PARM1: variants seen among roughly 807,000 people sequenced by gnomAD.
PARM1 encodes WSC4, cell wall integrity and stress response component 4 homolog.
PARM1 carries 14 observed loss-of-function variants against 24.6 expected under a neutral mutation model. The ratio of observed to expected loss-of-function variants is 0.57; its 90% CI spans 0.38 to 0.89. The LOEUF (loss-of-function observed/expected upper bound fraction) is 0.89. PARM1 is among the 40% of genes least tolerant of loss of function. The pLI, the probability that PARM1 is intolerant of heterozygous loss-of-function variation, is 0.00. For missense variants in PARM1, 362 were observed against 380.4 expected (o/e 0.95, Z 0.40); for synonymous variants, 179 against 156.6 (o/e 1.14, Z -1.07).
chr4:74,940,772 C>G (rs1218304713), intron 1 of PARM1, among the ~76,000 whole-genome samples: 1 of 152,184 alleles, frequency 6.6e-6, no homozygotes, highest in East Asian at 1.9e-4. Flanking sequence ...TGTAATTGGA[C>G]TCTTCAGGAA....
intron 3 of PARM1, among the ~76,000 whole-genome samples, chr4:75,038,830 A>G (rs1227987669): frequency 6.6e-6 from 1 of 152,240 alleles, no homozygotes; most frequent in Non-Finnish European, 1.5e-5. Context: ...CAGCCAAGAC[A>G]TAATCTCCCT....
rs552005964 is a variant in PARM1 at position 74,933,783 on chromosome 4, G to T, written c.43+413G>T. ...GAAGGGATGAAAAAGCCGGGGAAGT[G>T]GGGGTGGGAGGTTCGCATCTGGGAA... On this transcript the variant is annotated intron_variant, in intron 1 of 3. Transcript: ENST00000307428. Among the ~76,000 whole-genome samples the T allele has an allele frequency of 2.2e-4, 34 of 152,300 alleles. No individual in the cohort carries two copies. In the East Asian group the frequency reaches 2.3e-3, roughly 10 times the overall value.
chr4:75,026,984 T>C (rs1355125982), intron 2 of PARM1, among the ~76,000 whole-genome samples: 2 of 152,142 alleles, frequency 1.3e-5, no homozygotes, highest in African/African-American at 4.8e-5. Context: ...GTGTCTGCCC[T>C]CCTCTGAGGT....
chr4:74,943,236 C>T (rs1721348925), intron 1 of PARM1, among the ~76,000 whole-genome samples: 1 of 152,188 alleles, frequency 6.6e-6, no homozygotes, highest in South Asian at 2.1e-4. Context: ...TCCATCCCTC[C>T]TTACCCCTCA....
chr4:75,015,408 A>T (rs949658578), intron 2 of PARM1, among the ~76,000 whole-genome samples: 26 of 152,206 alleles, frequency 1.7e-4, no homozygotes, highest in African/African-American at 6.0e-4. Flanking sequence ...TGCTTAAATG[A>T]CTGGGGAAGA....
intron 1 of PARM1, among the ~76,000 whole-genome samples, chr4:74,951,095 A>G (rs931733919): frequency 2.6e-5 from 4 of 152,228 alleles, no homozygotes; most frequent in African/African-American, 9.6e-5. Context: ...GTGGAGCAAT[A>G]GCAGCCGTTC....
intron 1 of PARM1, among the ~76,000 whole-genome samples, chr4:75,011,139 A>G (rs372642911): frequency 1.3e-5 from 2 of 152,198 alleles, no homozygotes; most frequent in African/African-American, 2.4e-5. Flanking sequence ...ATCAGTCCCT[A>G]TGACCAAAAC....
chr4:75,046,211 G>T lies in PARM1; in HGVS notation c.897G>T (p.Trp299Cys). 6.2e-7 allele frequency: 1 copy of T among 1,612,888 alleles called. No individual in the cohort carries two copies. Among genetic ancestry groups the T allele is most frequent in the Non-Finnish European group, 8.5e-7 (1 of 1,178,966 alleles). ...RLLDDHDYGSWGNYNNPLYDD... is the reference protein window; with the variant it reads ...RLLDDHDYGSCGNYNNPLYDD... ...TGGACGACCATGACTACGGGTCCTG[G>T]GGAAACTACAACAACCCTCTGTACG... The change falls in exon 4 of 4, where the codon TGG becomes TGT. Residue 299 changes from tryptophan to cysteine, a missense_variant. By Grantham distance (215) the Trp-to-Cys change is radical (BLOSUM62 -2). Coordinates refer to ENST00000307428, the MANE Select transcript of PARM1 (RefSeq NM_015393.4).
chr4:75,037,122 C>T (rs1228028700), intron 3 of PARM1, among the ~76,000 whole-genome samples: 2 of 152,124 alleles, frequency 1.3e-5, no homozygotes, highest in Non-Finnish European at 2.9e-5. Flanking sequence ...CTTTAATTGA[C>T]GTGTGTGTGT....
chr4:75,027,355 G>C (rs1331108196), intron 2 of PARM1, among the ~76,000 whole-genome samples: 2 of 152,050 alleles, frequency 1.3e-5, no homozygotes, highest in African/African-American at 4.8e-5. Context: ...GGGTGGATTT[G>C]GGGTAAGAGG....
Position 75,042,901 on chromosome 4 carries a change from T to G in PARM1, c.849-3262T>G, listed in dbSNP as rs376126983. ...ATCCATATCTCTTGTATATCTTTCC[T>G]CACTTATCAGCATTTTACTCAACTC... On this transcript the variant is annotated intron_variant, in intron 3 of 3. Transcript: ENST00000307428. Among the ~76,000 whole-genome samples, 10 of 151,134 alleles carry G rather than the reference T, an allele frequency of 6.6e-5. 1 individual carries two copies. Among genetic ancestry groups the G allele is most frequent in the African/African-American group, 2.4e-4 (10 of 41,136 alleles).
At position 75,049,093 on chromosome 4, in the gene PARM1, A is replaced by C. The variant is rs1381631831; in HGVS notation, c.*2846A>C. ...TGGATAGGTCTAGTCATAACACTTT[A>C]GAGAGAATGTCAGAGCAGGAGGGAG... On this transcript the variant is annotated 3_prime_UTR_variant, in exon 4 of 4. Transcript: ENST00000307428. 6.6e-6 allele frequency: 1 copy of C among 152,220 alleles called. No homozygotes were observed. The highest frequency in any genetic ancestry group is 1.9e-4 in the East Asian group (1 of 5,184). 9.4% of individuals were successfully genotyped at this position (152,220 alleles called of 1,614,324 possible). A position where few individuals can be genotyped will look rare whatever the true frequency, so the allele number is the denominator to read the frequency against.
At chr4:74,940,423 G>T (rs1433846101) in intron 1 of PARM1, among the ~76,000 whole-genome samples, 3 of 152,162 alleles carry the variant, frequency 2.0e-5, no homozygotes, top group African/African-American at 7.2e-5. Flanking sequence ...CAAGATCAGG[G>T]CATCTGCAGG....
intron 2 of PARM1, among the ~76,000 whole-genome samples, chr4:75,016,798 C>T (rs1300588673): frequency 6.6e-6 from 1 of 152,096 alleles, no homozygotes; most frequent in Admixed American, 6.5e-5. Context: ...ACCGTCACTC[C>T]TGCGTGGATG....
At chr4:75,009,124 C>T (rs926658050) in intron 1 of PARM1, among the ~76,000 whole-genome samples, 14 of 152,288 alleles carry the variant, frequency 9.2e-5, no homozygotes, top group Admixed American at 1.3e-4. Flanking sequence ...AAAAGACCAC[C>T]GTAACAGCAT....
At chr4:74,993,897 T>C (rs544693689) in intron 1 of PARM1, 1 of 152,280 alleles carries the variant, frequency 6.6e-6, no homozygotes, top group Admixed American at 6.5e-5. Flanking sequence ...TTTAAATAGG[T>C]ACTTTATTAT....
intron 1 of PARM1, among the ~76,000 whole-genome samples, chr4:74,985,200 A>C (rs1342289332): frequency 2.0e-5 from 3 of 152,176 alleles, no homozygotes; most frequent in African/African-American, 7.2e-5. Context: ...GCAGCTGAGG[A>C]ATCTAGGACC....
chr4:75,033,169 A>G (rs1302671765), intron 2 of PARM1, among the ~76,000 whole-genome samples: 1 of 152,338 alleles, frequency 6.6e-6, no homozygotes, highest in South Asian at 2.1e-4. Flanking sequence ...TTGCACCAAG[A>G]TATTTCTACA....
rs916907536 is a variant in PARM1 at position 75,046,319 on chromosome 4, G to A, written c.*72G>A. 8.1e-6 allele frequency: 8 copies of A among 993,050 alleles called. No homozygotes were observed. Among genetic ancestry groups the A allele is most frequent in the Non-Finnish European group, 1.3e-5 (8 of 631,916 alleles). The allele number at this position is 993,050 out of a possible 1,614,324, so 61.5% of individuals were successfully genotyped here. ...AGTGCTTATCCAGTAGAATTAATAA[G>A]TACCTGATGCGCATTGAACGACAAT... On this transcript the variant is annotated 3_prime_UTR_variant, in exon 4 of 4. Transcript: ENST00000307428.
Sources: allele counts gnomAD v4.1 joint callset (sites outside exome capture counted in the v4.1 genomes callset), GRCh38; gene constraint gnomAD v4.1.1; transcripts MANE v1.5; gene names NCBI Gene and HGNC (gene_info 2026-07-23, HGNC 2026-07-21).